Variants in CHRM3 observed in about 807,000 individuals in gnomAD.
The protein encoded by CHRM3 is muscarinic acetylcholine receptor M3.
A neutral mutation model predicts 41.8 loss-of-function variants in CHRM3; 11 were observed. That is an observed-to-expected ratio of 0.26 (90% CI 0.17 to 0.44). The LOEUF is 0.44. CHRM3 is among the 20% of genes least tolerant of loss of function. The probability of loss-of-function intolerance (pLI) is 1.00; values close to 1 mark genes in which losing one functional copy is unlikely to be tolerated. For synonymous variants in CHRM3, 297 were observed against 301.4 expected, an observed-to-expected ratio of 0.99 and a Z score of 0.15; for missense variants, 571 against 745.4, an observed-to-expected ratio of 0.77 and a Z score of 2.72.
intron 1 of CHRM3, among the ~76,000 whole-genome samples, chr1:239,420,025 A>T (rs1661820318): frequency 6.6e-6 from 1 of 152,214 alleles, no homozygotes; most frequent in Non-Finnish European, 1.5e-5. Context: ...TAGGCTAATT[A>T]GCCCGCATAA....
chr1:239,471,874 A>G (rs1244009081), intron 1 of CHRM3, among the ~76,000 whole-genome samples: 2 of 152,234 alleles, frequency 1.3e-5, no homozygotes, highest in Admixed American at 1.3e-4. Context: ...CGGCCTGCCC[A>G]GCAAAGCCTG....
intron 1 of CHRM3, among the ~76,000 whole-genome samples, chr1:239,469,344 C>T (rs1278637680): frequency 1.3e-5 from 2 of 152,190 alleles, no homozygotes; most frequent in African/African-American, 4.8e-5. Context: ...TTTCTCTGTG[C>T]TGGTTGGACT....
intron 5 of CHRM3, among the ~76,000 whole-genome samples, chr1:239,783,506 A>G (rs75172735): frequency 0.021 from 3,179 of 152,258 alleles, 104 homozygotes; most frequent in South Asian, 0.096. Context: ...CATGCAAGAT[A>G]ATAATAGCCA....
At chr1:239,778,441 A>G (rs970913593) in intron 5 of CHRM3, among the ~76,000 whole-genome samples, 2 of 152,210 alleles carry the variant, frequency 1.3e-5, no homozygotes, top group Non-Finnish European at 2.9e-5. Context: ...TGGTTTTAAC[A>G]GCATCTGGCT....
chr1:239,759,110 A>G (rs1019677511), intron 5 of CHRM3, among the ~76,000 whole-genome samples: 2 of 151,054 alleles, frequency 1.3e-5, no homozygotes, highest in Non-Finnish European at 2.9e-5. Context: ...AAAAGCAGGC[A>G]TGAAAACCAA....
chr1:239,483,591 CT>C (rs779320950), intron 1 of CHRM3, among the ~76,000 whole-genome samples: 2 of 152,090 alleles, frequency 1.3e-5, no homozygotes, highest in African/African-American at 4.8e-5. Context: ...TGCTTGACAT[CT>C]TTTTTTCTTT....
Position 239,504,239 on chromosome 1 carries a change from A to G in CHRM3, c.-422+11432A>G, listed in dbSNP as rs181376395. Among the ~76,000 whole-genome samples the G allele has an allele frequency of 7.2e-5, 11 of 152,286 alleles. No homozygotes were observed. In the East Asian group the frequency reaches 2.1e-3, roughly 29 times the overall value. ...GAAAAACAAAAAAACAAACAATCCC[A>G]TAAAAAAGGGGGCTGAGGACATGCA... is the stretch of plus-strand genomic sequence containing the variant. On this transcript the variant is annotated intron_variant, in intron 2 of 6. Coordinates refer to ENST00000676153, the MANE Select transcript of CHRM3 (RefSeq NM_001375978.1).
chr1:239,824,111 C>T (rs1031970377), intron 5 of CHRM3, among the ~76,000 whole-genome samples: 1 of 152,028 alleles, frequency 6.6e-6, no homozygotes, highest in African/African-American at 2.4e-5. Flanking sequence ...TTGGTGAGGC[C>T]GCATTTCACT....
At chr1:239,697,158 C>G (rs192896774) in intron 5 of CHRM3, among the ~76,000 whole-genome samples, 1 of 152,114 alleles carries the variant, frequency 6.6e-6, no homozygotes, top group Non-Finnish European at 1.5e-5. Flanking sequence ...TGTCCCCACC[C>G]AAATCTCATC....
At chr1:239,394,095 T>C (rs772661591) in intron 1 of CHRM3, among the ~76,000 whole-genome samples, 1 of 152,242 alleles carries the variant, frequency 6.6e-6, no homozygotes, top group Non-Finnish European at 1.5e-5. Flanking sequence ...TCAGAGCATA[T>C]GATCAATGTG....
chr1:239,904,008 A>C (rs1211309677), intron 6 of CHRM3, among the ~76,000 whole-genome samples: 1 of 152,220 alleles, frequency 6.6e-6, no homozygotes, highest in African/African-American at 2.4e-5. Flanking sequence ...AAGAAGAAAG[A>C]AGTATCATCA....
intron 5 of CHRM3, among the ~76,000 whole-genome samples, chr1:239,801,411 G>A (rs1572339946): frequency 6.6e-6 from 1 of 152,194 alleles, no homozygotes; most frequent in South Asian, 2.1e-4. Context: ...AAGTAGCTGA[G>A]ATAAAGCAGG....
chr1:239,901,403 C>A (rs1572642281), intron 6 of CHRM3, among the ~76,000 whole-genome samples: 1 of 151,874 alleles, frequency 6.6e-6, no homozygotes, highest in Admixed American at 6.6e-5. Flanking sequence ...ACCCTCAATC[C>A]TAATTTTATC....
intron 3 of CHRM3, among the ~76,000 whole-genome samples, chr1:239,617,847 CA>C (rs1387320945): frequency 6.6e-6 from 1 of 152,204 alleles, no homozygotes; most frequent in African/African-American, 2.4e-5. Flanking sequence ...CACATGCTCA[CA>C]AGTGATGACA....
intron 5 of CHRM3, among the ~76,000 whole-genome samples, chr1:239,733,371 C>A (rs1039165654): frequency 6.6e-6 from 1 of 151,906 alleles, no homozygotes; most frequent in East Asian, 1.9e-4. Flanking sequence ...CCAGAGATTT[C>A]CCCCGTTGTC....
intron 4 of CHRM3, among the ~76,000 whole-genome samples, chr1:239,640,418 T>C (rs1670989496): frequency 6.6e-6 from 1 of 152,158 alleles, no homozygotes; most frequent in African/African-American, 2.4e-5. Flanking sequence ...GTTGGTAAGC[T>C]ATTGATTATT....
At chr1:239,510,040 G>A (rs1272162664) in intron 2 of CHRM3, among the ~76,000 whole-genome samples, 1 of 152,196 alleles carries the variant, frequency 6.6e-6, no homozygotes, top group Admixed American at 6.5e-5. Flanking sequence ...AGTGGGCCGA[G>A]ATCATGCCAC....
At chr1:239,595,806 C>T (rs1240018043) in intron 3 of CHRM3, among the ~76,000 whole-genome samples, 2 of 152,150 alleles carry the variant, frequency 1.3e-5, no homozygotes, top group South Asian at 2.1e-4. Flanking sequence ...ATTTAAACAT[C>T]AGTGCCAAAA....
chr1:239,877,890 CTTT>C (rs576152253), intron 6 of CHRM3, among the ~76,000 whole-genome samples: 6 of 138,978 alleles, frequency 4.3e-5, no homozygotes, highest in Admixed American at 1.5e-4. Context: ...TTATTTCTTT[CTTT>C]TTTTTTTTTT....
Sources: allele counts gnomAD v4.1 joint callset (sites outside exome capture counted in the v4.1 genomes callset), GRCh38; gene constraint gnomAD v4.1.1; transcripts MANE v1.5; gene names NCBI Gene and HGNC (gene_info 2026-07-23, HGNC 2026-07-21).